Variants in CDK1 observed in about 807,000 individuals in gnomAD.
The protein encoded by CDK1 is cyclin dependent kinase 1, also known as cyclin-dependent kinase 1.
A neutral mutation model predicts 34.6 loss-of-function variants in CDK1; 5 were observed. The observed-to-expected ratio is 0.14, with a 90% CI of 0.08 to 0.30. The LOEUF (loss-of-function observed/expected upper bound fraction) is 0.30. Ranked by LOEUF, CDK1 falls within the 10% of genes least tolerant of loss-of-function variation. The pLI is 1.00. For synonymous variants in CDK1, 108 were observed against 114.7 expected (o/e 0.94, Z 0.37); for missense variants, 157 against 345.7 (o/e 0.45, Z 4.33).
At chr10:60,788,296 T>G in intron 5 of CDK1, 66 bp downstream of exon 5, 1 of 1,139,744 alleles carries the variant, frequency 8.8e-7, no homozygotes, top group Non-Finnish European at 1.2e-6. Context: ...TTTCTGTATT[T>G]GTGAAAGTCA....
Position 60,785,323 on chromosome 10 carries a change from G to T in CDK1, c.195-341G>T, listed in dbSNP as rs938985224. ...CTAATTGTACTTGGCTGGGGCTAGA[G>T]ATTGGAAGTAGCTTTTAAGGTCAGA... is the stretch of plus-strand genomic sequence containing the variant. On this transcript the variant is annotated intron_variant, in intron 3 of 7. Transcript: ENST00000395284. 2.0e-5 allele frequency among the ~76,000 whole-genome samples: 3 copies of T among 152,190 alleles called. No homozygotes were observed. In the South Asian group the frequency reaches 6.2e-4, roughly 32 times the overall value.
At chr10:60,787,624 A>T (rs2080327476) in intron 4 of CDK1, 2 of 152,130 alleles carry the variant, frequency 1.3e-5, no homozygotes, top group Non-Finnish European at 2.9e-5. Flanking sequence ...ATATAATCAT[A>T]ATATCTTTGC....
intron 3 of CDK1, among the ~76,000 whole-genome samples, chr10:60,785,065 G>A (rs895325835): frequency 6.6e-6 from 1 of 152,170 alleles, no homozygotes; most frequent in African/African-American, 2.4e-5. Context: ...GGAGCTGGGT[G>A]ATGTAGATTA....
chr10:60,781,352 T>G lies in CDK1; in HGVS notation c.37+1150T>G, dbSNP rs374535774. Among the ~76,000 whole-genome samples, 7 of 152,166 alleles carry G rather than the reference T, an allele frequency of 4.6e-5. No individual in the cohort carries two copies. In the East Asian group the frequency reaches 5.8e-4, roughly 13 times the overall value. ...CAGTTAAAAGAATGTAATTTTAAAT[T>G]TAATCCATTACATACATGTAAGTCA... On this transcript the variant is annotated intron_variant, in intron 2 of 7. Coordinates refer to ENST00000395284, the MANE Select transcript of CDK1 (RefSeq NM_001786.5).
chr10:60,781,588 A>G (rs985355761), intron 2 of CDK1, among the ~76,000 whole-genome samples: 5 of 152,212 alleles, frequency 3.3e-5, no homozygotes, highest in Non-Finnish European at 5.9e-5. Context: ...TATTATTACT[A>G]TGAACACTGT....
intron 1 of CDK1, 31 bp downstream of exon 1, chr10:60,778,601 G>A (rs2080243398): frequency 6.6e-6 from 1 of 152,396 alleles, no homozygotes; most frequent in Non-Finnish European, 1.5e-5. Context: ...GTCGTGTCTA[G>A]GGGACGGCCG....
chr10:60,792,033 T>C lies in CDK1; in HGVS notation c.633T>C (p.Asp211=), dbSNP rs1327267965. 2.5e-6 allele frequency: 4 copies of C among 1,609,772 alleles called. No homozygotes were observed. The African/African-American group carries it at 5.4e-5, about 22-fold the overall frequency. The change falls in exon 6 of 8, where the codon GAT becomes GAC. Residue 211 remains aspartate (D), a synonymous_variant. Transcript: ENST00000395284. The part of the protein sequence containing the change: ...KPLFHGDSEI[D]QLFRIFRALG... ...TTTTCCATGGGGATTCAGAAATTGA[T>C]CAACTCTTCAGGATTTTCAGGTAGC...
At chr10:60,785,044 A>G (rs1024263017) in intron 3 of CDK1, among the ~76,000 whole-genome samples, 183 bp downstream of exon 3, 2 of 152,218 alleles carry the variant, frequency 1.3e-5, no homozygotes, top group African/African-American at 2.4e-5. Context: ...TAAAGCAGGA[A>G]CAGAGTTGGA....
chr10:60,783,854 A>G lies in CDK1; in HGVS notation c.38-851A>G, dbSNP rs549738287. 1.7e-4 allele frequency among the ~76,000 whole-genome samples: 26 copies of G among 150,730 alleles called. No individual in the cohort carries two copies. The South Asian group carries it at 5.1e-3, about 30-fold the overall frequency. On this transcript the variant is annotated intron_variant, in intron 2 of 7. Transcript: ENST00000395284. Reference sequence around the variant, plus strand: ...TGGGTGTGAGGCTTTCCTAATATGTAGTACATACAATGTGCTTTATTAGGT... The same window carrying G: ...TGGGTGTGAGGCTTTCCTAATATGTGGTACATACAATGTGCTTTATTAGGT...
intron 5 of CDK1, among the ~76,000 whole-genome samples, chr10:60,789,591 C>A (rs997124963): frequency 1.3e-5 from 2 of 152,048 alleles, no homozygotes; most frequent in Admixed American, 1.3e-4. Flanking sequence ...ATTGCGTGCA[C>A]GTATGTGTGT....
intron 2 of CDK1, among the ~76,000 whole-genome samples, chr10:60,784,076 G>T (rs569586268): frequency 6.6e-6 from 1 of 152,190 alleles, no homozygotes; most frequent in Non-Finnish European, 1.5e-5. Context: ...CCACTTCGTT[G>T]CAGGGTAGGA....
intron 3 of CDK1, 100 bp downstream of exon 3, chr10:60,784,961 C>A: frequency 1.8e-6 from 2 of 1,100,282 alleles, no homozygotes; most frequent in South Asian, 1.4e-5. Context: ...CTTGGTCTAG[C>A]CTTACTGAGT....
At chr10:60,790,935 T>TA (rs1206993294) in intron 5 of CDK1, among the ~76,000 whole-genome samples, 2 of 152,194 alleles carry the variant, frequency 1.3e-5, no homozygotes, top group African/African-American at 4.8e-5. Context: ...TATAGCTTTG[T>TA]AATACATTTT....
chr10:60,781,631 A>T (rs2080273939), intron 2 of CDK1, among the ~76,000 whole-genome samples: 1 of 152,168 alleles, frequency 6.6e-6, no homozygotes. Flanking sequence ...GCTCCATCTA[A>T]TGCCACTTAA....
intron 2 of CDK1, among the ~76,000 whole-genome samples, chr10:60,781,367 C>T (rs1005304879): frequency 1.3e-5 from 2 of 152,144 alleles, no homozygotes; most frequent in Non-Finnish European, 2.9e-5. Context: ...CCATTACATA[C>T]ATGTAAGTCA....
chr10:60,788,675 G>T (rs1418761833), intron 5 of CDK1, among the ~76,000 whole-genome samples: 1 of 151,920 alleles, frequency 6.6e-6, no homozygotes, highest in Non-Finnish European at 1.5e-5. Flanking sequence ...GTTCCTTAAG[G>T]TATATTATTT....
intron 5 of CDK1, among the ~76,000 whole-genome samples, chr10:60,789,420 C>G (rs181690251): frequency 2.4e-4 from 37 of 152,284 alleles, no homozygotes; most frequent in South Asian, 1.0e-3. Context: ...AACCACTATT[C>G]CACTCTATGG....
At chr10:60,787,578 TA>T (rs2080327064) in intron 4 of CDK1, 1 of 152,120 alleles carries the variant, frequency 6.6e-6, no homozygotes, top group African/African-American at 2.4e-5. Context: ...TTCTCTGAAC[TA>T]AGCAGCATTT....
intron 4 of CDK1, chr10:60,786,472 T>A (rs2080317321): frequency 2.1e-6 from 1 of 486,902 alleles, no homozygotes; most frequent in South Asian, 8.9e-5. Context: ...TCCATATTGA[T>A]GAACATTTAA....
Sources: allele counts gnomAD v4.1 joint callset (sites outside exome capture counted in the v4.1 genomes callset), GRCh38; gene constraint gnomAD v4.1.1; transcripts MANE v1.5; gene names NCBI Gene and HGNC (gene_info 2026-07-23, HGNC 2026-07-21).